The following SGCZ variants were observed in gnomAD, a reference collection of about 807,000 sequenced individuals.
SGCZ encodes the protein zeta-sarcoglycan.
In SGCZ, 40 loss-of-function variants were observed where a neutral mutation model predicts 41.3. The ratio of observed to expected loss-of-function variants is 0.97; its 90% CI spans 0.75 to 1.26. SGCZ has a LOEUF of 1.26. Among genes scored for constraint, SGCZ ranks in the 50% most tolerant of loss-of-function variants. SGCZ has a pLI of 0.00. For synonymous variants in SGCZ, 206 were observed against 137.5 expected (o/e 1.50, Z -3.49); for missense variants, 552 against 369.8 (o/e 1.49, Z -4.04).
At chr8:14,951,829 G>A (rs1800651248) in intron 1 of SGCZ, among the ~76,000 whole-genome samples, 1 of 151,982 alleles carries the variant, frequency 6.6e-6, no homozygotes, top group Non-Finnish European at 1.5e-5. Context: ...GTCATGTATA[G>A]CAGAAGAAAA....
At chr8:14,435,891 C>T (rs1800076352) in intron 2 of SGCZ, among the ~76,000 whole-genome samples, 1 of 152,176 alleles carries the variant, frequency 6.6e-6, no homozygotes, top group Non-Finnish European at 1.5e-5. Flanking sequence ...AATATGTATC[C>T]TGTTGGGAGC....
rs1036210446 is a variant in SGCZ, at chr8:14,506,819, C to T, written c.234+47913G>A. 4.6e-5 allele frequency among the ~76,000 whole-genome samples: 7 copies of T among 152,160 alleles called. 1 individual carries two copies. Among genetic ancestry groups the T allele is most frequent in the Non-Finnish European group, 2.9e-5 (2 of 68,026 alleles). ...CTTCCTTGAAAATCCTGTTTGACTTCAGGCAGCCCACATTCTCTTAGATTT... is the reference window on the plus strand; with the variant it reads ...CTTCCTTGAAAATCCTGTTTGACTTTAGGCAGCCCACATTCTCTTAGATTT... On this transcript the variant is annotated intron_variant, in intron 2 of 7. Coordinates refer to ENST00000382080, the MANE Select transcript of SGCZ (RefSeq NM_139167.4).
At chr8:14,156,572 CTT>C (rs965268361) in intron 5 of SGCZ, among the ~76,000 whole-genome samples, 1 of 152,166 alleles carries the variant, frequency 6.6e-6, no homozygotes. Context: ...CTTTTTGACT[CTT>C]TTGCAAACAC....
chr8:14,351,091 A>C (rs1803075341), intron 2 of SGCZ, among the ~76,000 whole-genome samples: 1 of 152,030 alleles, frequency 6.6e-6, no homozygotes, highest in Admixed American at 6.6e-5. Flanking sequence ...AGGTATGTAT[A>C]ACTTTCCTCT....
intron 4 of SGCZ, among the ~76,000 whole-genome samples, chr8:14,165,854 A>C (rs548009639): frequency 6.6e-6 from 1 of 152,246 alleles, no homozygotes; most frequent in South Asian, 2.1e-4. Flanking sequence ...CCAGTAGATG[A>C]ATATTAAATA....
intron 4 of SGCZ, among the ~76,000 whole-genome samples, chr8:14,209,605 A>T (rs923486656): frequency 6.6e-6 from 1 of 152,156 alleles, no homozygotes; most frequent in South Asian, 2.1e-4. Flanking sequence ...TTAATATAGG[A>T]CATGTTCATA....
chr8:14,479,070 G>A (rs1801446425), intron 2 of SGCZ, among the ~76,000 whole-genome samples: 1 of 152,154 alleles, frequency 6.6e-6, no homozygotes, highest in African/African-American at 2.4e-5. Context: ...ATATAAAATA[G>A]AGTTTATTAA....
At chr8:14,583,256 C>G (rs1409524701) in intron 1 of SGCZ, among the ~76,000 whole-genome samples, 1 of 151,236 alleles carries the variant, frequency 6.6e-6, no homozygotes, top group African/African-American at 2.4e-5. Flanking sequence ...TCTCTGATGG[C>G]CAGTGATGGT....
chr8:14,932,464 G>C (rs895772411), intron 1 of SGCZ, among the ~76,000 whole-genome samples: 15 of 151,972 alleles, frequency 9.9e-5, no homozygotes, highest in African/African-American at 3.4e-4. Context: ...AGTAAAGTTG[G>C]TGCATTCGTT....
At chr8:14,610,905 C>T (rs1002725607) in intron 1 of SGCZ, among the ~76,000 whole-genome samples, 2 of 152,032 alleles carry the variant, frequency 1.3e-5, no homozygotes, top group African/African-American at 4.8e-5. Context: ...GAATTGTAAC[C>T]CAATAGTTTT....
At chr8:14,425,183 A>G (rs1042242898) in intron 2 of SGCZ, among the ~76,000 whole-genome samples, 1 of 152,134 alleles carries the variant, frequency 6.6e-6, no homozygotes, top group Non-Finnish European at 1.5e-5. Flanking sequence ...CATGAATACC[A>G]CGGGATGCCA....
chr8:14,748,828 G>A (rs1369825991), intron 1 of SGCZ, among the ~76,000 whole-genome samples: 2 of 152,024 alleles, frequency 1.3e-5, no homozygotes, highest in Non-Finnish European at 1.5e-5. Context: ...TTACAATCCT[G>A]ACATGTTTTA....
chr8:14,695,104 T>C (rs1006602626), intron 1 of SGCZ, among the ~76,000 whole-genome samples: 26 of 152,104 alleles, frequency 1.7e-4, no homozygotes, highest in Admixed American at 1.6e-3. Flanking sequence ...AAATTGATGC[T>C]GATAGACAGT....
intron 2 of SGCZ, among the ~76,000 whole-genome samples, chr8:14,340,036 A>G (rs1419518563): frequency 6.6e-6 from 1 of 152,156 alleles, no homozygotes; most frequent in Non-Finnish European, 1.5e-5. Context: ...TGACAAACAG[A>G]ATGACGTCAA....
intron 2 of SGCZ, among the ~76,000 whole-genome samples, chr8:14,385,041 A>T (rs1301596726): frequency 6.6e-6 from 1 of 152,194 alleles, no homozygotes; most frequent in Non-Finnish European, 1.5e-5. Context: ...TTTCATGATG[A>T]AGAAGCTATG....
intron 3 of SGCZ, chr8:14,309,343 A>G (rs1801450695): frequency 6.2e-7 from 1 of 1,603,158 alleles, no homozygotes; most frequent in South Asian, 1.1e-5. Flanking sequence ...AGAAAAACAA[A>G]TGGGGAGGAC....
chr8:15,215,038 T>C (rs1489926762), intron 1 of SGCZ, among the ~76,000 whole-genome samples: 2 of 152,198 alleles, frequency 1.3e-5, no homozygotes, highest in African/African-American at 4.8e-5. Context: ...CAGGATAGTT[T>C]GCATCTTTTA....
intron 4 of SGCZ, among the ~76,000 whole-genome samples, chr8:14,213,222 A>G (rs569248430): frequency 6.6e-6 from 1 of 152,140 alleles, no homozygotes; most frequent in Non-Finnish European, 1.5e-5. Flanking sequence ...AAAGAGAATA[A>G]ACTCAAGGAA....
intron 1 of SGCZ, among the ~76,000 whole-genome samples, chr8:15,041,728 A>G (rs1275229550): frequency 7.2e-6 from 1 of 139,246 alleles, no homozygotes; most frequent in African/African-American, 2.5e-5. Flanking sequence ...AAACACATGT[A>G]TAATTTTCAG....
Sources: allele counts gnomAD v4.1 joint callset (sites outside exome capture counted in the v4.1 genomes callset), GRCh38; gene constraint gnomAD v4.1.1; transcripts MANE v1.5; gene names NCBI Gene and HGNC (gene_info 2026-07-23, HGNC 2026-07-21).